The following NAALADL2 variants were observed in gnomAD, a reference collection of about 807,000 sequenced individuals.
NAALADL2 encodes inactive N-acetylated-alpha-linked acidic dipeptidase-like protein 2.
Under a neutral mutation model 87.2 loss-of-function variants are expected in NAALADL2, and 76 were observed. The observed-to-expected ratio is 0.87, with a 90% CI of 0.72 to 1.05. NAALADL2 has a LOEUF of 1.05. Ranked by LOEUF, NAALADL2 falls within the 50% of genes least tolerant of loss-of-function variation. The pLI is 0.00. For synonymous variants in NAALADL2, 354 were observed against 331.0 expected (o/e 1.07, Z -0.75); for missense variants, 1,089 against 945.8 (o/e 1.15, Z -1.99).
At chr3:175,158,605 A>G (rs1291346637) in intron 2 of NAALADL2, among the ~76,000 whole-genome samples, 1 of 152,152 alleles carries the variant, frequency 6.6e-6, no homozygotes, top group Non-Finnish European at 1.5e-5. Flanking sequence ...ATTTGGCTTT[A>G]TAAAGTATTT....
intron 1 of NAALADL2, among the ~76,000 whole-genome samples, chr3:174,488,553 G>T (rs1373095971): frequency 6.6e-6 from 1 of 151,988 alleles, no homozygotes; most frequent in Non-Finnish European, 1.5e-5. Context: ...TACTAAGGAT[G>T]CAGTATGTAA....
chr3:175,496,451 A>G (rs956158050), intron 9 of NAALADL2, among the ~76,000 whole-genome samples: 2 of 152,012 alleles, frequency 1.3e-5, no homozygotes, highest in Non-Finnish European at 2.9e-5. Flanking sequence ...TATTTCAATC[A>G]ACAAATTAAC....
chr3:175,175,070 G>T (rs1735515728), intron 2 of NAALADL2, among the ~76,000 whole-genome samples: 1 of 151,890 alleles, frequency 6.6e-6, no homozygotes, highest in East Asian at 1.9e-4. Context: ...CATAAGTAGA[G>T]ATTATAGAAA....
rs189092276 is a variant in NAALADL2 at position 175,554,857 on chromosome 3, T to C, written c.1654-21184T>C. Among the ~76,000 whole-genome samples, 16 of 152,328 alleles carry C rather than the reference T, an allele frequency of 1.1e-4. No homozygotes were observed. The East Asian group carries it at 3.1e-3, about 29-fold the overall frequency. On this transcript the variant is annotated intron_variant, in intron 9 of 13. Coordinates refer to ENST00000454872, the MANE Select transcript of NAALADL2 (RefSeq NM_207015.3). The stretch of plus-strand genomic sequence containing the variant: ...TATCTCAGTTTATATGTATATATTT[T>C]ACCTGTTATCAATTGCTATTTACCT...
chr3:174,969,390 G>A (rs1743303805), intron 1 of NAALADL2, among the ~76,000 whole-genome samples: 1 of 151,892 alleles, frequency 6.6e-6, no homozygotes. Context: ...CCTCAACTAA[G>A]TGCGAATTCC....
chr3:174,588,467 T>A (rs1025678530), intron 2 of NAALADL2, among the ~76,000 whole-genome samples: 1 of 152,210 alleles, frequency 6.6e-6, no homozygotes, highest in Non-Finnish European at 1.5e-5. Flanking sequence ...TTTTTAGAAT[T>A]TTCAGCTTTT....
Position 175,289,139 on chromosome 3 carries a change from G to GCATC in NAALADL2, c.939+32609_939+32610insCATC, listed in dbSNP as rs60830261. ...TGTAATTTTTATGATGCAATAATTA[G>GCATC]AAAAAAATTAACATTTTTGGCATGT... On this transcript the variant is annotated intron_variant, in intron 4 of 13. Coordinates refer to ENST00000454872, the MANE Select transcript of NAALADL2 (RefSeq NM_207015.3). Among the ~76,000 whole-genome samples the GCATC allele has an allele frequency of 1.8e-3, 266 of 151,878 alleles. 3 individuals are homozygous for GCATC. The highest frequency in any genetic ancestry group is 6.3e-3 in the African/African-American group (259 of 41,402).
At chr3:174,838,353 A>T (rs1051394354) in intron 3 of NAALADL2, among the ~76,000 whole-genome samples, 1 of 152,206 alleles carries the variant, frequency 6.6e-6, no homozygotes, top group African/African-American at 2.4e-5. Flanking sequence ...TCAAGGTAAT[A>T]GAAGCCACCT....
rs908730660 is a variant in NAALADL2 at position 175,036,148 on chromosome 3, G to A, written c.44-60642G>A. Among the ~76,000 whole-genome samples the A allele has an allele frequency of 1.1e-4, 16 of 152,172 alleles. No homozygotes were observed. The East Asian group carries it at 2.7e-3, about 26-fold the overall frequency. Reference sequence around the variant, plus strand: ...TAAAATCCTTAATTAGAATCAAAATGTCACTAAAATTATCTTTCAGCATTT... The same window carrying A: ...TAAAATCCTTAATTAGAATCAAAATATCACTAAAATTATCTTTCAGCATTT... On this transcript the variant is annotated intron_variant, in intron 1 of 13. Coordinates refer to ENST00000454872, the MANE Select transcript of NAALADL2 (RefSeq NM_207015.3).
intron 2 of NAALADL2, among the ~76,000 whole-genome samples, chr3:175,201,259 T>A (rs964944008): frequency 1.3e-5 from 2 of 151,886 alleles, no homozygotes; most frequent in Non-Finnish European, 2.9e-5. Context: ...ACAAGAAGAG[T>A]AGATATCTGG....
At chr3:175,564,402 TA>T (rs140480837) in intron 9 of NAALADL2, among the ~76,000 whole-genome samples, 19,682 of 152,252 alleles carry the variant, frequency 0.13, 1,378 homozygotes, top group Middle Eastern at 0.17. Context: ...AATATTTCAT[TA>T]AACATATTTG....
chr3:175,577,549 A>G (rs1004215881), intron 10 of NAALADL2, among the ~76,000 whole-genome samples: 1 of 152,190 alleles, frequency 6.6e-6, no homozygotes, highest in Admixed American at 6.5e-5. Context: ...TGAAATTCTA[A>G]GAAGAACCGT....
chr3:175,709,233 C>T (rs767060495), intron 11 of NAALADL2, among the ~76,000 whole-genome samples: 30 of 152,130 alleles, frequency 2.0e-4, no homozygotes, highest in Admixed American at 7.2e-4. Context: ...ATTTTTAGCT[C>T]GTGATTATTC....
intron 1 of NAALADL2, among the ~76,000 whole-genome samples, chr3:174,892,037 G>A (rs1730920357): frequency 6.6e-6 from 1 of 152,152 alleles, no homozygotes. Flanking sequence ...CCCTAAAGCA[G>A]AAACTGCTTA....
chr3:175,749,360 A>G (rs961743567), intron 12 of NAALADL2, among the ~76,000 whole-genome samples: 1 of 152,174 alleles, frequency 6.6e-6, no homozygotes, highest in South Asian at 2.1e-4. Context: ...TTGTGCTGCT[A>G]TAACAGAATA....
chr3:175,608,996 A>AT (rs55666834), intron 10 of NAALADL2, among the ~76,000 whole-genome samples: 26 of 149,144 alleles, frequency 1.7e-4, no homozygotes, highest in Middle Eastern at 3.5e-3. Context: ...GCCCAGTGTG[A>AT]TTTTTTTTTT....
intron 1 of NAALADL2, among the ~76,000 whole-genome samples, chr3:174,470,392 G>A (rs1716825089): frequency 6.6e-6 from 1 of 152,050 alleles, no homozygotes; most frequent in Admixed American, 6.6e-5. Context: ...GAGAGATTCT[G>A]GATAATTGTC....
At chr3:174,686,645 A>G (rs1252459945) in intron 2 of NAALADL2, among the ~76,000 whole-genome samples, 1 of 152,084 alleles carries the variant, frequency 6.6e-6, no homozygotes, top group Non-Finnish European at 1.5e-5. Context: ...CTGCACCCCT[A>G]CAACTATGTG....
rs116678265 is a variant in NAALADL2 at position 174,478,041 on chromosome 3, G to A, written c.-184+37009G>A. Among the ~76,000 whole-genome samples the A allele has an allele frequency of 9.8e-3, 1,488 of 152,216 alleles. 31 individuals are homozygous for A. Among genetic ancestry groups the A allele is most frequent in the African/African-American group, 0.034 (1,432 of 41,550 alleles). On this transcript the variant is annotated intron_variant, in intron 1 of 3. Transcript: ENST00000434257. ...TCAAAAAGAAAAATACCAATACTCAGTTGTTGGTTTTTTAAGGTAACATAT... is the reference window on the plus strand; with the variant it reads ...TCAAAAAGAAAAATACCAATACTCAATTGTTGGTTTTTTAAGGTAACATAT...
Sources: gnomAD v4.1 joint callset for allele counts (sites outside exome capture counted in the v4.1 genomes callset) on GRCh38, gnomAD v4.1.1 for gene constraint, MANE v1.5 for transcripts, NCBI Gene and HGNC (gene_info 2026-07-23, HGNC 2026-07-21) for gene names.